The following WDR72 variants were observed in gnomAD, a reference collection of about 807,000 sequenced individuals.
WDR72 encodes WD repeat-containing protein 72.
WDR72 carries 120 observed loss-of-function variants against 124.2 expected under a neutral mutation model. The observed-to-expected ratio is 0.97, with a 90% CI of 0.83 to 1.12. The LOEUF is 1.12. WDR72 is among the 50% of genes most tolerant of loss of function. The pLI is 0.00. For missense variants in WDR72, 1,387 were observed against 1,278.8 expected, an observed-to-expected ratio of 1.08 and a Z score of -1.29; for synonymous variants, 452 against 441.7, an observed-to-expected ratio of 1.02 and a Z score of -0.29.
At chr15:53,558,389 C>T (rs1032562475) in intron 18 of WDR72, among the ~76,000 whole-genome samples, 1 of 151,916 alleles carries the variant, frequency 6.6e-6, no homozygotes, top group Admixed American at 6.6e-5. Context: ...GAAAGTAGCC[C>T]TGATGTTTAC....
At chr15:53,608,334 A>G (rs543510257) in intron 17 of WDR72, among the ~76,000 whole-genome samples, 1 of 152,330 alleles carries the variant, frequency 6.6e-6, no homozygotes, top group East Asian at 1.9e-4. Context: ...AGCACTATTC[A>G]GTTATAAAAA....
At chr15:53,603,759 G>C (rs1175214080) in intron 17 of WDR72, among the ~76,000 whole-genome samples, 1 of 151,908 alleles carries the variant, frequency 6.6e-6, no homozygotes, top group Non-Finnish European at 1.5e-5. Flanking sequence ...AAAACACCTA[G>C]GAATACAGCC....
intron 18 of WDR72, among the ~76,000 whole-genome samples, chr15:53,590,272 C>T (rs1318980005): frequency 6.6e-6 from 1 of 151,948 alleles, no homozygotes; most frequent in African/African-American, 2.4e-5. Flanking sequence ...ACATTTTTAG[C>T]ATTTACCAGA....
At chr15:53,706,189 C>T in intron 9 of WDR72, 115 bp from the exon 10 acceptor site, 1 of 1,176,234 alleles carries the variant, frequency 8.5e-7, no homozygotes, top group Non-Finnish European at 1.2e-6. Flanking sequence ...AATTTATTTC[C>T]CACTCTTTTG....
intron 19 of WDR72, among the ~76,000 whole-genome samples, chr15:53,520,637 A>ATATT (rs1319727896): frequency 2.0e-5 from 3 of 152,080 alleles, no homozygotes; most frequent in African/African-American, 7.2e-5. Flanking sequence ...GAGGTAGTTA[A>ATATT]TATTTTCCAG....
intron 14 of WDR72, among the ~76,000 whole-genome samples, chr15:53,643,823 T>C (rs978758544): frequency 6.6e-6 from 1 of 151,806 alleles, no homozygotes; most frequent in African/African-American, 2.4e-5. Context: ...TAGAGTACCC[T>C]GTCACAAAAA....
At chr15:53,524,201 C>T (rs900287235) in intron 18 of WDR72, among the ~76,000 whole-genome samples, 1 of 152,004 alleles carries the variant, frequency 6.6e-6, no homozygotes, top group African/African-American at 2.4e-5. Context: ...AATTAGGTCA[C>T]AATTAAGCCA....
chr15:53,598,547 C>A (rs530685829), intron 17 of WDR72, among the ~76,000 whole-genome samples: 1 of 152,066 alleles, frequency 6.6e-6, no homozygotes, highest in African/African-American at 2.4e-5. Flanking sequence ...GGACATCCAA[C>A]GAGCTTATTA....
At chr15:53,580,714 CT>C (rs1184352140) in intron 18 of WDR72, among the ~76,000 whole-genome samples, 2 of 151,232 alleles carry the variant, frequency 1.3e-5, no homozygotes, top group Non-Finnish European at 2.9e-5. Flanking sequence ...TGAGATAAGC[CT>C]TAAAAAAAAA....
intron 18 of WDR72, among the ~76,000 whole-genome samples, chr15:53,590,093 T>C (rs1465401683): frequency 6.6e-6 from 1 of 152,084 alleles, no homozygotes; most frequent in Non-Finnish European, 1.5e-5. Flanking sequence ...TATTTGCTTA[T>C]CATATACAAA....
intron 18 of WDR72, among the ~76,000 whole-genome samples, chr15:53,547,267 G>A (rs1009642469): frequency 1.3e-5 from 2 of 152,174 alleles, no homozygotes; most frequent in Non-Finnish European, 2.9e-5. Context: ...CGAGTTGCCG[G>A]GATTACAGGC....
chr15:53,599,392 G>GT (rs2012939660), intron 17 of WDR72, among the ~76,000 whole-genome samples: 1 of 152,074 alleles, frequency 6.6e-6, no homozygotes, highest in African/African-American at 2.4e-5. Flanking sequence ...GAAAACGTTT[G>GT]TATTTCCTAT....
chr15:53,748,625 T>C (rs2018700893), intron 1 of WDR72, among the ~76,000 whole-genome samples: 1 of 152,146 alleles, frequency 6.6e-6, no homozygotes, highest in Non-Finnish European at 1.5e-5. Context: ...CCCAGCACTC[T>C]TAGTTGATGA....
chr15:53,733,399 T>C (rs2614221), intron 1 of WDR72, among the ~76,000 whole-genome samples: 1 of 152,098 alleles, frequency 6.6e-6, no homozygotes, highest in South Asian at 2.1e-4. Context: ...CTTATTATTG[T>C]TGAAGAGAAA....
chr15:53,645,439 T>C (rs1030726042), intron 14 of WDR72, among the ~76,000 whole-genome samples: 1 of 152,194 alleles, frequency 6.6e-6, no homozygotes, highest in East Asian at 1.9e-4. Context: ...ATAGGTTTTG[T>C]GTTTTAAGTG....
At chr15:53,732,891 C>A (rs2018241669) in intron 2 of WDR72, 106 bp downstream of exon 2, 5 of 1,368,622 alleles carry the variant, frequency 3.7e-6, no homozygotes, top group Non-Finnish European at 5.2e-6. Context: ...TAATAAACAT[C>A]TTTTTAACAA....
intron 14 of WDR72, among the ~76,000 whole-genome samples, chr15:53,662,992 C>T (rs2140446819): frequency 6.6e-6 from 1 of 151,662 alleles, no homozygotes; most frequent in East Asian, 2.0e-4. Flanking sequence ...CTGCTTGGGC[C>T]CAGGAGTTCA....
At chr15:53,645,524 C>T (rs550014482) in intron 14 of WDR72, among the ~76,000 whole-genome samples, 4 of 152,026 alleles carry the variant, frequency 2.6e-5, no homozygotes, top group South Asian at 4.2e-4. Context: ...ATCAATAAAC[C>T]GTTATAAAAT....
chr15:53,683,650 C>A (rs1006034647), intron 13 of WDR72, among the ~76,000 whole-genome samples: 1 of 152,004 alleles, frequency 6.6e-6, no homozygotes, highest in East Asian at 1.9e-4. Context: ...ATTTTAAAAA[C>A]ACACACACAG....
Sources: allele counts gnomAD v4.1 joint callset (sites outside exome capture counted in the v4.1 genomes callset), GRCh38; gene constraint gnomAD v4.1.1; transcripts MANE v1.5; gene names NCBI Gene and HGNC (gene_info 2026-07-23, HGNC 2026-07-21).